Variants in DUSP10 observed in about 807,000 individuals in gnomAD.
The protein encoded by DUSP10 is dual specificity phosphatase 10, also known as dual specificity protein phosphatase 10.
A neutral mutation model predicts 30.8 loss-of-function variants in DUSP10; 14 were observed. That is an observed-to-expected ratio of 0.46 (90% CI 0.30 to 0.71). DUSP10 has a LOEUF of 0.71. Ranked by LOEUF, DUSP10 falls within the 30% of genes least tolerant of loss-of-function variation. DUSP10 has a pLI of 0.08. For missense variants in DUSP10, 550 were observed against 619.4 expected (o/e 0.89, Z 1.19); for synonymous variants, 254 against 250.4 (o/e 1.01, Z -0.14).
rs2280340 is a variant in DUSP10 at position 221,702,784 on chromosome 1, A to G, written c.1184-107T>C. 314,566 of 1,188,452 alleles carry G rather than the reference A, an allele frequency of 0.26. 44,829 individuals are homozygous for G. Among genetic ancestry groups the G allele is most frequent in the African/African-American group, 0.39 (25,140 of 64,982 alleles). 73.6% of individuals were successfully genotyped at this position (1,188,452 alleles called of 1,614,324 possible). On this transcript the variant is annotated intron_variant, in intron 3 of 3. Transcript: ENST00000366899. The surrounding 1 kb of genome is among the most constrained non-coding windows in gnomAD (Gnocchi z 4.5). ...CAATGCCTTATTTTGTATAGAAATAATGAATTAAAACAGTTTTAAAGCCAA... is the reference window on the plus strand; with the variant it reads ...CAATGCCTTATTTTGTATAGAAATAGTGAATTAAAACAGTTTTAAAGCCAA...
At chr1:221,736,200 G>T (rs1661763909) in intron 2 of DUSP10, among the ~76,000 whole-genome samples, 1 of 152,146 alleles carries the variant, frequency 6.6e-6, no homozygotes, top group Non-Finnish European at 1.5e-5. Flanking sequence ...ACCAAAAATG[G>T]AGAGTATGGC....
Position 221,701,639 on chromosome 1 carries a change from T to C in DUSP10, c.*773A>G, listed in dbSNP as rs977889789. On this transcript the variant is annotated 3_prime_UTR_variant, in exon 4 of 4. Transcript: ENST00000366899. ...GGGAAGGAAAGTATTTGATATATTGTTGAATTCCTTTCTATCTCCAAGCTG... is the reference window on the plus strand; with the variant it reads ...GGGAAGGAAAGTATTTGATATATTGCTGAATTCCTTTCTATCTCCAAGCTG... The C allele has an allele frequency of 6.6e-6, 1 of 152,240 alleles. No individual in the cohort carries two copies. The highest frequency in any genetic ancestry group is 2.4e-5 in the African/African-American group (1 of 41,356). 9.4% of individuals were successfully genotyped at this position (152,240 alleles called of 1,614,324 possible). A position where few individuals can be genotyped will look rare whatever the true frequency, so the allele number is the denominator to read the frequency against.
intron 2 of DUSP10, among the ~76,000 whole-genome samples, chr1:221,719,477 A>G (rs1416617094): frequency 6.6e-6 from 1 of 152,194 alleles, no homozygotes; most frequent in African/African-American, 2.4e-5. Context: ...GGGTTAAAAA[A>G]AAAAGCTAGC....
chr1:221,738,570 C>T (rs551162591), intron 2 of DUSP10, among the ~76,000 whole-genome samples: 48 of 152,230 alleles, frequency 3.2e-4, no homozygotes, highest in Non-Finnish European at 6.2e-4. Context: ...GAGACAATAA[C>T]TTTCCAACTA....
intron 2 of DUSP10, among the ~76,000 whole-genome samples, chr1:221,715,276 G>GATT (rs1661063895): frequency 6.6e-6 from 1 of 152,198 alleles, no homozygotes; most frequent in Non-Finnish European, 1.5e-5. Context: ...TTTAATTGGA[G>GATT]GCCTTCCAAG....
intron 2 of DUSP10, among the ~76,000 whole-genome samples, chr1:221,718,093 G>A (rs569393683): frequency 2.7e-3 from 413 of 150,538 alleles, no homozygotes; most frequent in African/African-American, 9.6e-3. Flanking sequence ...GGTCAGAATG[G>A]GGGTGGCAGG....
intron 2 of DUSP10, among the ~76,000 whole-genome samples, chr1:221,734,656 T>C (rs1372146726): frequency 6.6e-6 from 1 of 152,148 alleles, no homozygotes; most frequent in Non-Finnish European, 1.5e-5. Flanking sequence ...AAGGATTCAG[T>C]TCCTTCCCCA....
chr1:221,716,659 C>A (rs1006877156), intron 2 of DUSP10, among the ~76,000 whole-genome samples: 5 of 152,194 alleles, frequency 3.3e-5, no homozygotes, highest in Non-Finnish European at 5.9e-5. Context: ...AAGTGAATGG[C>A]TAAGAAGGGT....
chr1:221,738,954 T>C lies in DUSP10; in HGVS notation c.791A>G (p.Lys264Arg), dbSNP rs759861952. 3.1e-6 allele frequency: 5 copies of C among 1,611,530 alleles called. No homozygotes were observed. The highest frequency in any genetic ancestry group is 4.2e-6 in the Non-Finnish European group (5 of 1,178,532). The change falls in exon 2 of 4, where the codon AAA (lysine) becomes AGA (arginine). Residue 264 changes from lysine (K) to arginine (R), a missense_variant. Transcript: ENST00000366899. ...IVLESLKREG[K>R]EPLVLKGGLS... ...ATTACCTTTCAACACCAGAGGTTCT[T>C]TGCCTTCTCTCTTCAGGGACTCGAG...
intron 3 of DUSP10, among the ~76,000 whole-genome samples, chr1:221,704,695 C>T (rs534178284): frequency 6.6e-6 from 1 of 152,300 alleles, no homozygotes; most frequent in East Asian, 1.9e-4. Context: ...GAGTCAAAAA[C>T]CCTGGATTCT....
At chr1:221,729,666 C>A (rs1661524152) in intron 2 of DUSP10, among the ~76,000 whole-genome samples, 1 of 152,136 alleles carries the variant, frequency 6.6e-6, no homozygotes, top group Admixed American at 6.5e-5. Flanking sequence ...GTTTTTCTTC[C>A]AAACTATCTG....
chr1:221,734,819 G>A (rs1344928158), intron 2 of DUSP10, among the ~76,000 whole-genome samples: 2 of 152,108 alleles, frequency 1.3e-5, no homozygotes, highest in Non-Finnish European at 2.9e-5. Flanking sequence ...ACAACAGCAC[G>A]TTTATGAATG....
chr1:221,739,463 G>A lies in DUSP10; in HGVS notation c.282C>T (p.Thr94=), dbSNP rs2102658466. The stretch of plus-strand genomic sequence containing the variant: ...TGGTGGTGCCAGCGGCAATGGCTTG[G>A]GTTTGGGCCTGATTGTCCTTGTCGT... ...ATYDKDNQAQ[T]QAIAAGTTTT... The change falls in exon 2 of 4, where the codon ACC becomes ACT. Residue 94 remains threonine, a synonymous_variant. Transcript: ENST00000366899. 1.2e-6 allele frequency: 2 copies of A among 1,614,196 alleles called. No homozygotes were observed. Among genetic ancestry groups the A allele is most frequent in the East Asian group, 2.2e-5 (1 of 44,890 alleles).
Position 221,706,979 on chromosome 1 carries a change from A to G in DUSP10, c.812-513T>C, listed in dbSNP as rs774369255. ...CAGCAGAGTGGTTACAAGCAGGAAC[A>G]TTGGAAGAGACAGGTTATCTTGATT... On this transcript the variant is annotated intron_variant, in intron 2 of 3. Transcript: ENST00000366899. The surrounding 1 kb of genome is among the most constrained non-coding windows in gnomAD (Gnocchi z 4.6). 6.6e-6 allele frequency among the ~76,000 whole-genome samples: 1 copy of G among 152,218 alleles called. No individual in the cohort carries two copies. Among genetic ancestry groups the G allele is most frequent in the Non-Finnish European group, 1.5e-5 (1 of 68,034 alleles).
At chr1:221,725,634 A>C (rs1661404344) in intron 2 of DUSP10, among the ~76,000 whole-genome samples, 1 of 152,240 alleles carries the variant, frequency 6.6e-6, no homozygotes, top group Middle Eastern at 3.2e-3. Flanking sequence ...TCTCCTATTT[A>C]AAGGGCACTT....
intron 2 of DUSP10, among the ~76,000 whole-genome samples, chr1:221,719,904 A>G (rs141848945): frequency 6.6e-6 from 1 of 152,336 alleles, no homozygotes; most frequent in African/African-American, 2.4e-5. Context: ...TAACTTCAAT[A>G]TAGCCTTGAT....
At chr1:221,732,149 T>G (rs1345934843) in intron 2 of DUSP10, among the ~76,000 whole-genome samples, 3 of 152,202 alleles carry the variant, frequency 2.0e-5, no homozygotes, top group Admixed American at 6.5e-5. Flanking sequence ...GCCTGCAGAT[T>G]AGTGCCTAGC....
rs912271894 is a variant in DUSP10, at chr1:221,701,812, A to T, written c.*600T>A. On this transcript the variant is annotated 3_prime_UTR_variant, in exon 4 of 4. Transcript: ENST00000366899. ...AAAAAAAATCTCTTAAACCCAGAGA[A>T]GGAAAAAAAAAAAAAATCCAGAGCA... The T allele has an allele frequency of 2.6e-5, 4 of 152,054 alleles. No homozygotes were observed. Among genetic ancestry groups the T allele is most frequent in the Non-Finnish European group, 2.9e-5 (2 of 67,992 alleles). 9.4% of individuals were successfully genotyped at this position (152,054 alleles called of 1,614,324 possible). A position where few individuals can be genotyped will look rare whatever the true frequency, so the allele number is the denominator to read the frequency against.
chr1:221,710,907 T>C (rs112243227), intron 2 of DUSP10, among the ~76,000 whole-genome samples: 1 of 152,068 alleles, frequency 6.6e-6, no homozygotes, highest in African/African-American at 2.4e-5. Context: ...GAACATATTG[T>C]AGCCATGAGC....
Sources: gnomAD v4.1 joint callset for allele counts (sites outside exome capture counted in the v4.1 genomes callset) on GRCh38, gnomAD v4.1.1 for gene constraint, Gnocchi (gnomAD v3.1) non-coding constraint, MANE v1.5 for transcripts, NCBI Gene and HGNC (gene_info 2026-07-23, HGNC 2026-07-21) for gene names.